Variants in ZFPM2 observed in about 807,000 individuals in gnomAD.
ZFPM2 encodes the protein zinc finger protein, FOG family member 2.
Under a neutral mutation model 98.6 loss-of-function variants are expected in ZFPM2, and 20 were observed. That is an observed-to-expected ratio of 0.20 (90% CI 0.14 to 0.29). The LOEUF (loss-of-function observed/expected upper bound fraction) is 0.29, where lower values mean the gene tolerates loss of function less well. Among genes scored for constraint, ZFPM2 ranks in the 10% least tolerant of loss-of-function variants. ZFPM2 has a pLI of 1.00. For synonymous variants in ZFPM2, 518 were observed against 502.7 expected (o/e 1.03, Z -0.41); for missense variants, 1,310 against 1,388.6 (o/e 0.94, Z 0.90).
chr8:105,359,368 T>A (rs1344770124), intron 1 of ZFPM2, among the ~76,000 whole-genome samples: 2 of 48,548 alleles, frequency 4.1e-5, no homozygotes, highest in African/African-American at 7.7e-5. Context: ...TTTTTCTTTC[T>A]TTTTTTTTTT....
intron 1 of ZFPM2, among the ~76,000 whole-genome samples, chr8:105,392,744 C>T (rs1409047086): frequency 1.3e-5 from 2 of 152,154 alleles, no homozygotes; most frequent in South Asian, 2.1e-4. Context: ...CCAAATTAAA[C>T]AGAGTATCAG....
chr8:105,754,803 G>A (rs922724687), intron 5 of ZFPM2, among the ~76,000 whole-genome samples: 7 of 151,946 alleles, frequency 4.6e-5, no homozygotes, highest in Non-Finnish European at 1.0e-4. Context: ...CAAACATGAC[G>A]GTTGCAAAAT....
rs113368011 is a variant in ZFPM2 at position 105,381,639 on chromosome 8, T to C, written c.41-37505T>C. On this transcript the variant is annotated intron_variant, in intron 1 of 7. Transcript: ENST00000407775. ...TGTCCAATAACAGATCTGATCCAGG[T>C]GGTTTTTGACTGAAGGTCTTTAATA... is the stretch of plus-strand genomic sequence containing the variant. 3.7e-4 allele frequency among the ~76,000 whole-genome samples: 56 copies of C among 152,216 alleles called. 1 individual carries two copies. Among genetic ancestry groups the C allele is most frequent in the African/African-American group, 1.3e-3 (56 of 41,534 alleles).
At chr8:105,448,268 A>T (rs1812415343) in intron 3 of ZFPM2, among the ~76,000 whole-genome samples, 1 of 151,774 alleles carries the variant, frequency 6.6e-6, no homozygotes, top group Non-Finnish European at 1.5e-5. Context: ...TTTGCTCTTC[A>T]CTATTCTGGT....
At chr8:105,480,661 G>C (rs1345711134) in intron 3 of ZFPM2, among the ~76,000 whole-genome samples, 1 of 151,966 alleles carries the variant, frequency 6.6e-6, no homozygotes, top group Non-Finnish European at 1.5e-5. Flanking sequence ...AAGTTGAAAA[G>C]AGCCCTTTGC....
At chr8:105,796,173 T>TCTTTA (rs1813806190) in intron 6 of ZFPM2, among the ~76,000 whole-genome samples, 1 of 150,776 alleles carries the variant, frequency 6.6e-6, no homozygotes, top group Admixed American at 6.6e-5. Context: ...CTTTCCTGTA[T>TCTTTA]CTTTACTTTG....
At chr8:105,354,779 C>A (rs1343699069) in intron 1 of ZFPM2, among the ~76,000 whole-genome samples, 3 of 151,942 alleles carry the variant, frequency 2.0e-5, no homozygotes, top group African/African-American at 4.8e-5. Flanking sequence ...ATGGTGAAAC[C>A]CTGTCTCTAC....
chr8:105,753,585 C>T, intron 5 of ZFPM2, among the ~76,000 whole-genome samples: 1 of 152,094 alleles, frequency 6.6e-6, no homozygotes, highest in Non-Finnish European at 1.5e-5. Flanking sequence ...ATGGTTGAAC[C>T]TAAATCCATT....
chr8:105,587,242 A>T (rs1265709930), intron 4 of ZFPM2, among the ~76,000 whole-genome samples: 5 of 144,050 alleles, frequency 3.5e-5, no homozygotes, highest in Admixed American at 7.4e-5. Flanking sequence ...GTGCCACTGC[A>T]CTCCAGCCTG....
At chr8:105,641,544 G>C (rs1385532741) in intron 5 of ZFPM2, among the ~76,000 whole-genome samples, 1 of 152,098 alleles carries the variant, frequency 6.6e-6, no homozygotes, top group Non-Finnish European at 1.5e-5. Context: ...ACTAGTGACT[G>C]TGTTATTTAA....
intron 5 of ZFPM2, among the ~76,000 whole-genome samples, chr8:105,679,390 C>T (rs546821847): frequency 8.7e-4 from 133 of 152,068 alleles, no homozygotes; most frequent in African/African-American, 3.0e-3. Context: ...ACCATCTGGC[C>T]CCTGTAAGCA....
chr8:105,368,751 A>C (rs1281035876), intron 1 of ZFPM2, among the ~76,000 whole-genome samples: 1 of 152,128 alleles, frequency 6.6e-6, no homozygotes, highest in Non-Finnish European at 1.5e-5. Context: ...AGTATCCATA[A>C]ATTTCAAGAT....
intron 3 of ZFPM2, among the ~76,000 whole-genome samples, chr8:105,520,473 G>A (rs1367261579): frequency 6.6e-6 from 1 of 152,000 alleles, no homozygotes; most frequent in African/African-American, 2.4e-5. Context: ...GATAAGCTTC[G>A]TAACACTAAG....
At chr8:105,435,076 A>G (rs537708737) in intron 2 of ZFPM2, among the ~76,000 whole-genome samples, 3 of 152,224 alleles carry the variant, frequency 2.0e-5, no homozygotes, top group Non-Finnish European at 4.4e-5. Flanking sequence ...TTCAAAGACT[A>G]TATTCAAGTG....
chr8:105,751,220 A>G (rs1231367427), intron 5 of ZFPM2, among the ~76,000 whole-genome samples: 4 of 152,228 alleles, frequency 2.6e-5, no homozygotes, highest in East Asian at 3.9e-4. Context: ...TTGGTTATGT[A>G]GGAAATTCAA....
At chr8:105,562,872 C>T (rs1323183428) in intron 4 of ZFPM2, among the ~76,000 whole-genome samples, 1 of 152,184 alleles carries the variant, frequency 6.6e-6, no homozygotes, top group Non-Finnish European at 1.5e-5. Flanking sequence ...TTCTAGAGGT[C>T]AGGATGTAAA....
At chr8:105,497,566 C>G (rs1364508281) in intron 3 of ZFPM2, among the ~76,000 whole-genome samples, 1 of 152,100 alleles carries the variant, frequency 6.6e-6, no homozygotes, top group Non-Finnish European at 1.5e-5. Context: ...CCATATTTAT[C>G]AAGGTGTATC....
chr8:105,665,315 T>G (rs944825783), intron 5 of ZFPM2, among the ~76,000 whole-genome samples: 5 of 152,114 alleles, frequency 3.3e-5, no homozygotes, highest in Admixed American at 1.3e-4. Flanking sequence ...TTCCAACAAA[T>G]GAACTTTTGG....
rs763555819 is a variant in ZFPM2 at position 105,801,897 on chromosome 8, CCTT to C, written c.1818_1820del (p.Leu607del). The C allele has an allele frequency of 6.2e-6, 10 of 1,613,946 alleles. No homozygotes were observed. The South Asian group carries it at 9.9e-5, about 16-fold the overall frequency. ...CCAACACTGGCCAAACCTCCATAAA[CCTT>C]CTCAACCCAGCTGCTCATTCTGCTG... On this transcript the variant is annotated inframe_deletion, in exon 8 of 8. Transcript: ENST00000407775.
Sources: allele counts gnomAD v4.1 joint callset (sites outside exome capture counted in the v4.1 genomes callset), GRCh38; gene constraint gnomAD v4.1.1; transcripts MANE v1.5; gene names NCBI Gene and HGNC (gene_info 2026-07-23, HGNC 2026-07-21).